Variants in NBPF10 observed in about 807,000 individuals in gnomAD.
NBPF10 encodes the protein NBPF member 10, also known as NBPF family member NBPF10.
Under a neutral mutation model 77.9 loss-of-function variants are expected in NBPF10, and 63 were observed. The ratio of observed to expected loss-of-function variants is 0.81; its 90% CI spans 0.66 to 1.00. The LOEUF is 1.00. Ranked by LOEUF, NBPF10 falls within the 50% of genes least tolerant of loss-of-function variation. The probability of loss-of-function intolerance (pLI) is 0.00; values close to 1 mark genes in which losing one functional copy is unlikely to be tolerated. For synonymous variants in NBPF10, 146 were observed against 264.5 expected (o/e 0.55, Z 4.35); for missense variants, 522 against 679.8 (o/e 0.77, Z 2.58).
chr1:146,135,496 G>C (rs1553794550), exon 8 of NBPF10: 2 of 741,268 alleles, frequency 2.7e-6, no homozygotes, highest in Non-Finnish European at 2.2e-6. Context: ...TCTCGTTCCT[G>C]AGCGTGAACC....
exon 89 of NBPF10, chr1:146,067,254 C>A (rs782809160): frequency 3.6e-5 from 21 of 575,788 alleles, no homozygotes; most frequent in Non-Finnish European, 5.2e-5. Flanking sequence ...ATCTTCTTCC[C>A]CTTCTTTTTT....
At chr1:146,126,027 C>T (rs587699414) in intron 14 of NBPF10, among the ~76,000 whole-genome samples, 44 of 151,824 alleles carry the variant, frequency 2.9e-4, no homozygotes, top group African/African-American at 1.0e-3. Flanking sequence ...ACAGGCATGG[C>T]CTGAGACTAG....
chr1:146,126,583 G>C lies in NBPF10; in HGVS notation c.1854-175C>G, dbSNP rs1239574414. 1.6e-4 allele frequency among the ~76,000 whole-genome samples: 21 copies of C among 128,604 alleles called. No individual in the cohort carries two copies. In the South Asian group the frequency reaches 1.7e-3, roughly 10 times the overall value. The allele number at this position is 128,604 out of a possible 152,430, so 84.4% of individuals were successfully genotyped here. On this transcript the variant is annotated intron_variant, in intron 13 of 89. Coordinates refer to ENST00000583866, the Ensembl canonical transcript of NBPF10. ...GATTGACTAGGGCCAGGTAGAAAAGGATGAACGAGAAAGACACACACACAC... is the reference window on the plus strand; with the variant it reads ...GATTGACTAGGGCCAGGTAGAAAAGCATGAACGAGAAAGACACACACACAC...
intron 5 of NBPF10, among the ~76,000 whole-genome samples, chr1:146,139,362 G>GC (rs1438306945): frequency 6.6e-6 from 1 of 152,010 alleles, no homozygotes; most frequent in Non-Finnish European, 1.5e-5. Context: ...ACCCGCCTCG[G>GC]CCTCCCAAAG....
At chr1:146,066,741 C>A (rs1553777601) in intron 89 of NBPF10, among the ~76,000 whole-genome samples, 180 bp from the exon 90 acceptor site, 3 of 150,220 alleles carry the variant, frequency 2.0e-5, no homozygotes, top group South Asian at 2.1e-4. Context: ...AGGTAGAAAA[C>A]AATGAAAGAG....
chr1:146,136,128 C>A (rs3979917), intron 7 of NBPF10, among the ~76,000 whole-genome samples: 6 of 150,580 alleles, frequency 4.0e-5, no homozygotes, highest in Admixed American at 6.6e-5. Context: ...TTCACATCAA[C>A]AATTACTTGT....
chr1:146,139,231 C>G (rs1291891239), intron 5 of NBPF10, among the ~76,000 whole-genome samples: 1 of 148,294 alleles, frequency 6.7e-6, no homozygotes. Context: ...TCCTGAGTAG[C>G]TGGGACTACA....
exon 90 of NBPF10, chr1:146,064,869 G>A (rs2102029778): frequency 4.0e-5 from 1 of 25,054 alleles, no homozygotes; most frequent in South Asian, 1.2e-3. Context: ...AACTCAGGCA[G>A]AGAATGTCTT....
At chr1:146,069,206 C>A (rs1420974287) in intron 86 of NBPF10, among the ~76,000 whole-genome samples, 1 of 85,880 alleles carries the variant, frequency 1.2e-5, no homozygotes, top group Non-Finnish European at 2.4e-5. Context: ...ATTGTAGACG[C>A]TGAAATTAGA....
chr1:146,141,502 GA>G (rs1660279605), intron 3 of NBPF10, 101 bp downstream of exon 3: 7 of 600,640 alleles, frequency 1.2e-5, no homozygotes, highest in Non-Finnish European at 2.0e-5. Context: ...AGGTGTAGTA[GA>G]AAAAAACCCC....
chr1:146,136,195 T>C (rs587742450), intron 7 of NBPF10, among the ~76,000 whole-genome samples, 158 bp downstream of exon 7: 19 of 151,906 alleles, frequency 1.3e-4, no homozygotes, highest in African/African-American at 4.1e-4. Context: ...ATTTTTACTA[T>C]CCTTCTTCTC....
chr1:146,069,533 A>G lies in NBPF10; in HGVS notation c.10810+10T>C. Reference sequence around the variant, plus strand: ...GTGGATCCTTATCACCTTCATAGAAAGGTACTCACCATCCATGTCAACAGC... The same window carrying G: ...GTGGATCCTTATCACCTTCATAGAAGGGTACTCACCATCCATGTCAACAGC... On this transcript the variant is annotated intron_variant, in intron 86 of 89. Coordinates refer to ENST00000583866, the Ensembl canonical transcript of NBPF10. 1.1e-6 allele frequency: 1 copy of G among 900,172 alleles called. No individual in the cohort carries two copies. Among genetic ancestry groups the G allele is most frequent in the Non-Finnish European group, 1.7e-6 (1 of 583,578 alleles). 55.8% of individuals were successfully genotyped at this position (900,172 alleles called of 1,614,324 possible).
At chr1:146,072,200 A>G (rs1481953538) in intron 82 of NBPF10, among the ~76,000 whole-genome samples, 181 bp from the exon 83 acceptor site, 2 of 19,730 alleles carry the variant, frequency 1.0e-4, no homozygotes, top group African/African-American at 6.4e-4. Context: ...ACATCTCAGA[A>G]CCAAGGGTGA....
Position 146,066,522 on chromosome 1 carries a change from G to C in NBPF10, c.11184C>G (p.Val3728=), listed in dbSNP as rs1553777410. The change falls in exon 90 of 90, where the codon GTC becomes GTG. Residue 3728 remains valine, a synonymous_variant. Coordinates refer to ENST00000583866, the Ensembl canonical transcript of NBPF10. ...AACATCTATCCAGTGAGTCCTGTAA[G>C]ACTTCACGCTCTTCCACTTCCATCA... 8.7e-6 allele frequency: 6 copies of C among 689,412 alleles called. No homozygotes were observed. The Admixed American group carries it at 1.5e-4, about 17-fold the overall frequency. 42.7% of individuals were successfully genotyped at this position (689,412 alleles called of 1,614,324 possible).
At chr1:146,076,270 C>CAT (rs1656036770) in intron 77 of NBPF10, among the ~76,000 whole-genome samples, 20 of 11,954 alleles carry the variant, frequency 1.7e-3, no homozygotes, top group African/African-American at 3.3e-3. Context: ...CACACACACA[C>CAT]ACACACACAC....
chr1:146,081,002 C>CAA (rs1656253831), intron 71 of NBPF10, among the ~76,000 whole-genome samples: 2 of 80,534 alleles, frequency 2.5e-5, no homozygotes, highest in Non-Finnish European at 6.8e-5. Context: ...CACACACACA[C>CAA]ACACACACAC....
At position 146,142,642 on chromosome 1, in the gene NBPF10, C is replaced by A; in HGVS notation, c.278+8G>T. The stretch of plus-strand genomic sequence containing the variant: ...ACCCGCCTGCCTCCCCCTATGGGGT[C>A]CCCTCACCTGAGCTCCTCAGCTTGC... On this transcript the variant is annotated splice_region_variant and intron_variant, in intron 2 of 89. Coordinates refer to ENST00000583866, the Ensembl canonical transcript of NBPF10. 12 of 1,324,446 alleles carry A rather than the reference C, an allele frequency of 9.1e-6. 3 individuals carry two copies. The highest frequency in any genetic ancestry group is 1.3e-5 in the Non-Finnish European group (12 of 958,762). 82.0% of individuals were successfully genotyped at this position (1,324,446 alleles called of 1,614,324 possible). A position where few individuals can be genotyped will look rare whatever the true frequency, so the allele number is the denominator to read the frequency against.
At position 146,141,785 on chromosome 1, in the gene NBPF10, T is replaced by C. The variant is rs782572830; in HGVS notation, c.312A>G (p.Arg104=). 4 of 1,343,066 alleles carry C rather than the reference T, an allele frequency of 3.0e-6. 1 individual carries two copies. The highest frequency in any genetic ancestry group is 4.1e-6 in the Non-Finnish European group (4 of 974,818). 83.2% of individuals were successfully genotyped at this position (1,343,066 alleles called of 1,614,324 possible). ...ACTTCTCCCTTAGCTGGGTCAGCTC[T>C]CGTTCCTGAGAGTGAACTAGGACTT... Residue 104 remains arginine (R), a synonymous_variant, in exon 3 of 90, where the codon CGA becomes CGG. Transcript: ENST00000583866.
At chr1:146,066,925 T>C (rs1219617988) in intron 89 of NBPF10, among the ~76,000 whole-genome samples, 3 of 145,994 alleles carry the variant, frequency 2.1e-5, no homozygotes, top group African/African-American at 7.3e-5. Context: ...TTCCATAAAA[T>C]ATGCTCAAAA....
Sources: gnomAD v4.1 joint callset for allele counts (sites outside exome capture counted in the v4.1 genomes callset) on GRCh38, gnomAD v4.1.1 for gene constraint, MANE v1.5 for transcripts, NCBI Gene and HGNC (gene_info 2026-07-23, HGNC 2026-07-21) for gene names.